STPG2: variants seen among roughly 807,000 people sequenced by gnomAD.
The protein encoded by STPG2 is sperm tail PG-rich repeat containing 2, also known as sperm-tail PG-rich repeat-containing protein 2.
Under a neutral mutation model 54.2 loss-of-function variants are expected in STPG2, and 56 were observed. That is an observed-to-expected ratio of 1.03 (90% CI 0.83 to 1.29). The LOEUF (loss-of-function observed/expected upper bound fraction) is 1.29, where lower values mean the gene tolerates loss of function less well. Ranked by LOEUF, STPG2 falls within the 50% of genes most tolerant of loss-of-function variation. STPG2 has a pLI of 0.00. For synonymous variants in STPG2, 200 were observed against 181.8 expected (o/e 1.10, Z -0.81); for missense variants, 596 against 544.9 (o/e 1.09, Z -0.93).
chr4:97,596,002 A>G (rs1326048012), intron 10 of STPG2, among the ~76,000 whole-genome samples: 1 of 152,130 alleles, frequency 6.6e-6, no homozygotes, highest in Non-Finnish European at 1.5e-5. Context: ...AAAACCAACA[A>G]TACGCTTTCT....
At chr4:97,560,360 T>C (rs79493662) in intron 10 of STPG2, among the ~76,000 whole-genome samples, 2,604 of 152,262 alleles carry the variant, frequency 0.017, 67 homozygotes, top group African/African-American at 0.058. Flanking sequence ...TAAGACTCTC[T>C]CCTTTCCTTT....
intron 8 of STPG2, among the ~76,000 whole-genome samples, chr4:97,890,790 T>C (rs905182140): frequency 6.6e-6 from 1 of 151,924 alleles, no homozygotes; most frequent in African/African-American, 2.4e-5. Context: ...ATAGCACATA[T>C]GCCCCCAAAA....
intron 5 of STPG2, among the ~76,000 whole-genome samples, chr4:98,010,003 T>A (rs1255398477): frequency 6.6e-6 from 1 of 152,050 alleles, no homozygotes; most frequent in Non-Finnish European, 1.5e-5. Flanking sequence ...CATTTTTTCT[T>A]AGTTAGTCTG....
chr4:97,652,844 A>T (rs912797170), intron 10 of STPG2, among the ~76,000 whole-genome samples: 1 of 152,058 alleles, frequency 6.6e-6, no homozygotes, highest in Non-Finnish European at 1.5e-5. Context: ...AACTCAGTTT[A>T]CTAATGTTAC....
chr4:97,745,168 G>A (rs138354154), intron 9 of STPG2, among the ~76,000 whole-genome samples: 1 of 149,636 alleles, frequency 6.7e-6, no homozygotes, highest in African/African-American at 2.4e-5. Context: ...ACTTCAAAAC[G>A]TGAGTCTAAG....
chr4:97,596,114 G>A (rs1418811418), intron 10 of STPG2, among the ~76,000 whole-genome samples: 1 of 152,078 alleles, frequency 6.6e-6, no homozygotes, highest in Non-Finnish European at 1.5e-5. Flanking sequence ...ATCAGGGGTT[G>A]CTATTCTAAT....
intron 4 of STPG2, among the ~76,000 whole-genome samples, chr4:97,468,070 A>G (rs956751853): frequency 6.6e-6 from 1 of 152,046 alleles, no homozygotes; most frequent in Admixed American, 6.6e-5. Context: ...ATACTTTAAC[A>G]GTCCGTCACT....
chr4:98,039,032 A>C (rs1217028813), intron 5 of STPG2, among the ~76,000 whole-genome samples: 2 of 152,072 alleles, frequency 1.3e-5, no homozygotes, highest in African/African-American at 2.4e-5. Flanking sequence ...ACGTTAAAAT[A>C]ATAAGTAAGT....
intron 5 of STPG2, among the ~76,000 whole-genome samples, chr4:98,018,244 AC>A (rs1388016355): frequency 6.7e-6 from 1 of 149,344 alleles, no homozygotes; most frequent in East Asian, 2.0e-4. Flanking sequence ...TTCAATTCCC[AC>A]CTATGAGGGA....
chr4:98,061,196 A>G (rs1310136439), intron 5 of STPG2, among the ~76,000 whole-genome samples: 1 of 152,200 alleles, frequency 6.6e-6, no homozygotes, highest in Non-Finnish European at 1.5e-5. Flanking sequence ...TCTAGCATCT[A>G]TAAGGATGCT....
Position 98,086,550 on chromosome 4 carries a change from A to G in STPG2, c.612+19403T>C, listed in dbSNP as rs1172702821. On this transcript the variant is annotated intron_variant, in intron 5 of 10. Transcript: ENST00000295268. Reference sequence around the variant, plus strand: ...AGAAAATCATTAAATATAGGTCTCCATCACTATCTAAATTCTCACTACCTG... The same window carrying G: ...AGAAAATCATTAAATATAGGTCTCCGTCACTATCTAAATTCTCACTACCTG... 4.0e-5 allele frequency among the ~76,000 whole-genome samples: 6 copies of G among 151,866 alleles called. 1 individual carries two copies. Among genetic ancestry groups the G allele is most frequent in the Admixed American group, 3.9e-4 (6 of 15,234 alleles).
chr4:97,908,118 A>G (rs1177898073), intron 8 of STPG2, among the ~76,000 whole-genome samples: 3 of 151,158 alleles, frequency 2.0e-5, no homozygotes, highest in African/African-American at 4.8e-5. Context: ...CAACCTACTC[A>G]TCTGACAAAG....
At position 97,702,082 on chromosome 4, in the gene STPG2, C is replaced by G. The variant is rs181033203; in HGVS notation, c.1320+10617G>C. ...CAGCTGGGATGAGTAGGTCTAAAGA[C>G]TAATCCATTCCACCTTCCCAATCTC... On this transcript the variant is annotated intron_variant, in intron 10 of 10. Transcript: ENST00000295268. Among the ~76,000 whole-genome samples, 134 of 152,316 alleles carry G rather than the reference C, an allele frequency of 8.8e-4. 1 individual carries two copies. The highest frequency in any genetic ancestry group is 4.8e-3 in the South Asian group (23 of 4,830).
intron 8 of STPG2, among the ~76,000 whole-genome samples, chr4:97,924,472 T>C (rs1027844372): frequency 6.6e-6 from 1 of 152,236 alleles, no homozygotes; most frequent in South Asian, 2.1e-4. Context: ...CTCAAAATTT[T>C]AATATTCTGA....
chr4:98,055,400 A>G (rs1436142080), intron 5 of STPG2, among the ~76,000 whole-genome samples: 1 of 152,004 alleles, frequency 6.6e-6, no homozygotes. Context: ...TGGAGGAAAG[A>G]CCCAGAAGCT....
chr4:97,946,199 T>C (rs1006484209), intron 7 of STPG2, among the ~76,000 whole-genome samples: 4 of 152,218 alleles, frequency 2.6e-5, no homozygotes, highest in Non-Finnish European at 4.4e-5. Flanking sequence ...TATCTTCTTT[T>C]AATAAATATC....
intron 10 of STPG2, among the ~76,000 whole-genome samples, chr4:97,668,807 G>A (rs956359977): frequency 2.6e-5 from 4 of 152,018 alleles, no homozygotes; most frequent in African/African-American, 9.7e-5. Flanking sequence ...CATTATCAGC[G>A]GGTCATTCCG....
intron 4 of STPG2, among the ~76,000 whole-genome samples, chr4:97,547,371 T>G (rs900351137): frequency 2.6e-5 from 4 of 152,032 alleles, no homozygotes; most frequent in African/African-American, 9.7e-5. Flanking sequence ...CCACCACATC[T>G]GGCTAATTTC....
At chr4:97,737,306 A>C (rs1054709292) in intron 9 of STPG2, among the ~76,000 whole-genome samples, 1 of 152,210 alleles carries the variant, frequency 6.6e-6, no homozygotes, top group African/African-American at 2.4e-5. Flanking sequence ...CAGAGTGCCT[A>C]TCCTCCTCCA....
Sources: gnomAD v4.1 joint callset for allele counts (sites outside exome capture counted in the v4.1 genomes callset) on GRCh38, gnomAD v4.1.1 for gene constraint, MANE v1.5 for transcripts, NCBI Gene and HGNC (gene_info 2026-07-23, HGNC 2026-07-21) for gene names.